The following PTPRZ1 variants were observed in gnomAD, a reference collection of about 807,000 sequenced individuals.
The protein encoded by PTPRZ1 is protein tyrosine phosphatase receptor type Z1.
PTPRZ1 carries 82 observed loss-of-function variants against 214.1 expected under a neutral mutation model. The observed-to-expected ratio is 0.38, with a 90% confidence interval of 0.32 to 0.46. The LOEUF (loss-of-function observed/expected upper bound fraction) is 0.46. Ranked by LOEUF, PTPRZ1 falls within the 20% of genes least tolerant of loss-of-function variation. The pLI, the probability that PTPRZ1 is intolerant of heterozygous loss-of-function variation, is 1.00. For synonymous variants in PTPRZ1, 945 were observed against 987.9 expected (o/e 0.96, Z 0.81); for missense variants, 2,603 against 2,748.7 (o/e 0.95, Z 1.19).
intron 2 of PTPRZ1, among the ~76,000 whole-genome samples, chr7:121,959,156 T>C (rs968639487): frequency 6.6e-6 from 1 of 152,150 alleles, no homozygotes; most frequent in Non-Finnish European, 1.5e-5. Flanking sequence ...ATCATAATGC[T>C]AAAAGGAATT....
rs1563022051 is a variant in PTPRZ1 at position 121,928,221 on chromosome 7, G to A, written c.124G>A (p.Gly42Arg). 2 of 1,594,126 alleles carry A rather than the reference G, an allele frequency of 1.3e-6. No homozygotes were observed. Among genetic ancestry groups the A allele is most frequent in the Non-Finnish European group, 1.7e-6 (2 of 1,165,406 alleles). Residue 42 changes from glycine (G) to arginine (R), a missense_variant and splice_region_variant, in exon 2 of 30, where the codon GGA becomes AGA. Gly to Arg is a moderately radical substitution (Grantham distance 125, BLOSUM62 -2). This residue lies in a region of PTPRZ1 where 141 missense variants were observed against 143.7 expected (regional missense o/e 0.98). Transcript: ENST00000393386. The part of the protein sequence containing the change: ...LVEEIGWSYT[G>R]ALNQKNWGKK... ...TGAAGAGATTGGCTGGTCCTATACA[G>A]GTAAACATATTACTTATATAATGAG...
chr7:121,992,334 G>A (rs954102756), intron 8 of PTPRZ1, among the ~76,000 whole-genome samples: 2 of 152,148 alleles, frequency 1.3e-5, no homozygotes, highest in African/African-American at 4.8e-5. Flanking sequence ...ACAAAGATTT[G>A]TCACAGCCAA....
intron 2 of PTPRZ1, among the ~76,000 whole-genome samples, chr7:121,937,994 A>C (rs1464841890): frequency 1.3e-5 from 2 of 152,186 alleles, no homozygotes; most frequent in Non-Finnish European, 2.9e-5. Flanking sequence ...TAAGAAAATC[A>C]TGTATGTATC....
At chr7:121,934,684 T>G (rs1796022218) in intron 2 of PTPRZ1, among the ~76,000 whole-genome samples, 1 of 152,144 alleles carries the variant, frequency 6.6e-6, no homozygotes, top group Non-Finnish European at 1.5e-5. Context: ...CCAAACAGAT[T>G]GAACAAGCCT....
At chr7:121,906,891 A>G (rs961911261) in intron 1 of PTPRZ1, among the ~76,000 whole-genome samples, 1 of 152,216 alleles carries the variant, frequency 6.6e-6, no homozygotes, top group Admixed American at 6.5e-5. Context: ...TATTCAGTAC[A>G]CATATGGAAT....
Position 122,053,924 on chromosome 7 carries a change from C to G in PTPRZ1, c.6267C>G (p.Ser2089Arg). The G allele has an allele frequency of 6.2e-7, 1 of 1,612,944 alleles. No homozygotes were observed. The highest frequency in any genetic ancestry group is 2.2e-5 in the East Asian group (1 of 44,832). ...TGGTTTTGTAGGGCTATTACCAGAGCAATGAATTCATCATTACCCAGCACC... is the reference window on the plus strand; with the variant it reads ...TGGTTTTGTAGGGCTATTACCAGAGGAATGAATTCATCATTACCCAGCACC... ...NASYIMGYYQ[S>R]NEFIITQHPL... Residue 2089 changes from serine to arginine, a missense_variant, in exon 26 of 30, where the codon AGC (serine) becomes AGG (arginine). By Grantham distance (110) the Ser-to-Arg change is moderately radical. Coordinates refer to ENST00000393386, the MANE Select transcript of PTPRZ1 (RefSeq NM_002851.3).
intron 4 of PTPRZ1, among the ~76,000 whole-genome samples, chr7:121,974,036 T>G (rs1240350908): frequency 6.6e-6 from 1 of 151,950 alleles, no homozygotes; most frequent in Non-Finnish European, 1.5e-5. Context: ...GCCTCTTATT[T>G]TCTCCTTTCA....
At chr7:121,911,447 G>A (rs1795275005) in intron 1 of PTPRZ1, among the ~76,000 whole-genome samples, 1 of 151,978 alleles carries the variant, frequency 6.6e-6, no homozygotes, top group Admixed American at 6.6e-5. Context: ...TCTTGTCTCA[G>A]TAGTCATAAC....
At chr7:121,997,184 A>G (rs948374282) in intron 9 of PTPRZ1, among the ~76,000 whole-genome samples, 5 of 152,196 alleles carry the variant, frequency 3.3e-5, no homozygotes, top group Admixed American at 1.3e-4. Context: ...ATTAGGGTGT[A>G]GTTGACAAAC....
At chr7:121,951,066 T>C (rs1307046993) in intron 2 of PTPRZ1, among the ~76,000 whole-genome samples, 1 of 152,214 alleles carries the variant, frequency 6.6e-6, no homozygotes, top group Non-Finnish European at 1.5e-5. Context: ...TCAAATTAGA[T>C]TTTAGATCTG....
intron 1 of PTPRZ1, among the ~76,000 whole-genome samples, chr7:121,894,578 G>GT (rs1442155667): frequency 6.6e-6 from 1 of 151,866 alleles, no homozygotes; most frequent in Non-Finnish European, 1.5e-5. Context: ...GCTAATTTTT[G>GT]TATTTTTTGT....
chr7:121,986,399 C>T (rs1797763712), intron 8 of PTPRZ1, among the ~76,000 whole-genome samples: 1 of 152,102 alleles, frequency 6.6e-6, no homozygotes, highest in Non-Finnish European at 1.5e-5. Context: ...ATAATTTCTG[C>T]TTACATAAAA....
intron 2 of PTPRZ1, among the ~76,000 whole-genome samples, chr7:121,941,807 C>T (rs1796245700): frequency 6.6e-6 from 1 of 152,084 alleles, no homozygotes; most frequent in Non-Finnish European, 1.5e-5. Flanking sequence ...GCAATAAAGT[C>T]AGAAATGGTA....
At chr7:121,964,741 C>T (rs947027489) in intron 2 of PTPRZ1, among the ~76,000 whole-genome samples, 21 of 152,084 alleles carry the variant, frequency 1.4e-4, no homozygotes, top group African/African-American at 4.1e-4. Context: ...GGTGGTTCAG[C>T]GAAAGTCTCT....
At chr7:122,038,485 T>A (rs1268003213) in intron 18 of PTPRZ1, among the ~76,000 whole-genome samples, 1 of 151,216 alleles carries the variant, frequency 6.6e-6, no homozygotes, top group East Asian at 1.9e-4. Flanking sequence ...GAATTATAGT[T>A]GTGTCAAAGC....
chr7:121,873,750 C>G (rs1382853685), intron 1 of PTPRZ1, among the ~76,000 whole-genome samples, 193 bp downstream of exon 1: 1 of 152,042 alleles, frequency 6.6e-6, no homozygotes, highest in Non-Finnish European at 1.5e-5. Context: ...CGCCCCCTCC[C>G]CGCCCCGCGC....
chr7:121,918,411 G>A (rs1186100022), intron 1 of PTPRZ1, among the ~76,000 whole-genome samples: 1 of 152,148 alleles, frequency 6.6e-6, no homozygotes, highest in Non-Finnish European at 1.5e-5. Context: ...TGCGTTTCCT[G>A]TTTTGCTATG....
intron 2 of PTPRZ1, among the ~76,000 whole-genome samples, chr7:121,953,775 A>C (rs909296909): frequency 1.4e-5 from 2 of 148,128 alleles, no homozygotes; most frequent in Admixed American, 6.7e-5. Context: ...AGATCAAAGA[A>C]AACGGTGTAG....
chr7:122,042,818 C>T, intron 22 of PTPRZ1, 75 bp downstream of exon 22: 2 of 1,465,828 alleles, frequency 1.4e-6, no homozygotes, highest in South Asian at 2.5e-5. Flanking sequence ...TATTCATCTC[C>T]TAGGACTGCA....
Sources: gnomAD v4.1 joint callset for allele counts (sites outside exome capture counted in the v4.1 genomes callset) on GRCh38, gnomAD v4.1.1 for gene constraint, gnomAD v4.1.1 regional missense constraint, MANE v1.5 for transcripts, NCBI Gene and HGNC (gene_info 2026-07-23, HGNC 2026-07-21) for gene names.